FBXO11: variants seen among roughly 807,000 people sequenced by gnomAD.
FBXO11 encodes the protein F-box protein 11, also known as F-box only protein 11.
Under a neutral mutation model 117.0 loss-of-function variants are expected in FBXO11, and 13 were observed. The ratio of observed to expected loss-of-function variants is 0.11; its 90% CI spans 0.07 to 0.18. The LOEUF (loss-of-function observed/expected upper bound fraction) is 0.18, where lower values mean the gene tolerates loss of function less well. Ranked by LOEUF, FBXO11 falls within the 10% of genes least tolerant of loss-of-function variation. The pLI is 1.00. For synonymous variants in FBXO11, 490 were observed against 380.5 expected, an observed-to-expected ratio of 1.29 and a Z score of -3.35; for missense variants, 767 against 1,164.4, an observed-to-expected ratio of 0.66 and a Z score of 4.97.
chr2:47,852,024 C>T (rs1218172779), intron 1 of FBXO11, among the ~76,000 whole-genome samples: 1 of 138,224 alleles, frequency 7.2e-6, no homozygotes, highest in Non-Finnish European at 1.5e-5. Flanking sequence ...CTGAGTCTTG[C>T]TCTGTTGCCC....
At chr2:47,888,358 T>C (rs1031472211) in intron 1 of FBXO11, among the ~76,000 whole-genome samples, 1 of 152,226 alleles carries the variant, frequency 6.6e-6, no homozygotes, top group African/African-American at 2.4e-5. Flanking sequence ...TGGTTCCTTC[T>C]ATTTCAAACA....
At chr2:47,817,545 C>A (rs539755080) in intron 16 of FBXO11, among the ~76,000 whole-genome samples, 1 of 152,342 alleles carries the variant, frequency 6.6e-6, no homozygotes, top group African/African-American at 2.4e-5. Context: ...AGAGGCCTAG[C>A]TTTTGGGCTA....
chr2:47,824,236 C>T (rs1671584295), intron 11 of FBXO11, among the ~76,000 whole-genome samples: 1 of 152,134 alleles, frequency 6.6e-6, no homozygotes, highest in South Asian at 2.1e-4. Context: ...GCTGGGCCTC[C>T]CAGCACTTTG....
chr2:47,846,571 C>A (rs955380965), intron 1 of FBXO11, among the ~76,000 whole-genome samples: 4 of 150,804 alleles, frequency 2.7e-5, no homozygotes, highest in African/African-American at 4.8e-5. Context: ...TAACCCTCTA[C>A]CAAAAATGTT....
chr2:47,822,387 T>G (rs774293831), intron 12 of FBXO11, 84 bp from the exon 13 acceptor site: 31 of 779,534 alleles, frequency 4.0e-5, no homozygotes, highest in Non-Finnish European at 6.3e-5. Flanking sequence ...CCCCTCATGG[T>G]CATATAACAA....
intron 1 of FBXO11, among the ~76,000 whole-genome samples, chr2:47,901,778 A>T (rs1421740681): frequency 6.6e-6 from 1 of 152,316 alleles, no homozygotes; most frequent in South Asian, 2.1e-4. Context: ...AAAAATTACA[A>T]AATACATTCC....
chr2:47,848,513 A>C (rs1196404055), intron 1 of FBXO11, among the ~76,000 whole-genome samples: 1 of 152,212 alleles, frequency 6.6e-6, no homozygotes, highest in Non-Finnish European at 1.5e-5. Context: ...TTGGTGCCAA[A>C]AAAGGTTGGG....
chr2:47,846,407 C>T (rs982900996), intron 1 of FBXO11, among the ~76,000 whole-genome samples: 3 of 152,096 alleles, frequency 2.0e-5, no homozygotes, highest in East Asian at 1.9e-4. Flanking sequence ...AAGGCGGCTG[C>T]GATGAGCGGA....
intron 1 of FBXO11, chr2:47,883,705 A>G: frequency 3.8e-6 from 1 of 264,206 alleles, no homozygotes; most frequent in South Asian, 4.4e-5. Flanking sequence ...TTCTTATACA[A>G]CTCCCAAGAA....
intron 1 of FBXO11, among the ~76,000 whole-genome samples, chr2:47,852,863 G>C (rs1290967487): frequency 6.6e-6 from 1 of 152,132 alleles, no homozygotes; most frequent in African/African-American, 2.4e-5. Flanking sequence ...GGCAAAGAGA[G>C]GTTAGGCAAC....
chr2:47,891,907 T>C (rs1427693674), intron 1 of FBXO11, among the ~76,000 whole-genome samples: 1 of 152,242 alleles, frequency 6.6e-6, no homozygotes, highest in African/African-American at 2.4e-5. Flanking sequence ...GCTTGCCATC[T>C]GTATGTCTTC....
intron 11 of FBXO11, 139 bp downstream of exon 11, chr2:47,832,210 T>A (rs1558423020): frequency 3.7e-5 from 24 of 640,356 alleles, no homozygotes; most frequent in South Asian, 3.5e-4. Context: ...ATATTAATTT[T>A]AAAAAATAAT....
At chr2:47,822,067 G>C (rs891134674) in intron 13 of FBXO11, 151 bp downstream of exon 13, 9 of 609,486 alleles carry the variant, frequency 1.5e-5, no homozygotes, top group Non-Finnish European at 2.6e-5. Flanking sequence ...GTCTGCACAA[G>C]AGAGTAAGAC....
intron 1 of FBXO11, among the ~76,000 whole-genome samples, chr2:47,844,995 C>T (rs1673298432): frequency 1.3e-5 from 2 of 152,202 alleles, no homozygotes; most frequent in Non-Finnish European, 2.9e-5. Flanking sequence ...GTTAATGTCT[C>T]TATCAGCTTG....
intron 11 of FBXO11, among the ~76,000 whole-genome samples, chr2:47,831,589 C>T (rs980266860): frequency 6.6e-6 from 1 of 151,728 alleles, no homozygotes; most frequent in Non-Finnish European, 1.5e-5. Flanking sequence ...TCTTGGACTC[C>T]GCAACAAAAA....
intron 1 of FBXO11, among the ~76,000 whole-genome samples, chr2:47,901,220 T>A (rs1193143042): frequency 6.7e-6 from 1 of 149,682 alleles, no homozygotes; most frequent in Non-Finnish European, 1.5e-5. Context: ...AAGATTTTTA[T>A]CCCACAAATA....
chr2:47,827,896 C>T (rs992936370), intron 11 of FBXO11, among the ~76,000 whole-genome samples: 1 of 151,182 alleles, frequency 6.6e-6, no homozygotes, highest in Non-Finnish European at 1.5e-5. Flanking sequence ...GGGGTTTTGC[C>T]AAGTTAGCCA....
intron 1 of FBXO11, among the ~76,000 whole-genome samples, chr2:47,900,968 A>G (rs1482208167): frequency 6.9e-6 from 1 of 144,646 alleles, no homozygotes; most frequent in African/African-American, 2.5e-5. Flanking sequence ...GAAATCATTC[A>G]GTACGTATAA....
intron 11 of FBXO11, among the ~76,000 whole-genome samples, chr2:47,829,492 G>A (rs188748500): frequency 6.6e-6 from 1 of 151,976 alleles, no homozygotes; most frequent in Non-Finnish European, 1.5e-5. Context: ...CTGCCTGCTC[G>A]GCCTCCCAAA....
Sources: allele counts gnomAD v4.1 joint callset (sites outside exome capture counted in the v4.1 genomes callset), GRCh38; gene constraint gnomAD v4.1.1; transcripts MANE v1.5; gene names NCBI Gene and HGNC (gene_info 2026-07-23, HGNC 2026-07-21).